C10orf67: variants seen among roughly 807,000 people sequenced by gnomAD.
C10orf67 encodes uncharacterized protein C10orf67, mitochondrial.
A neutral mutation model predicts 35.6 loss-of-function variants in C10orf67; 60 were observed. The observed-to-expected ratio is 1.68, with a 90% CI of 1.37 to 2.09. The LOEUF (loss-of-function observed/expected upper bound fraction) is 2.09. Among genes scored for constraint, C10orf67 ranks in the 30% most tolerant of loss-of-function variants. The pLI is 0.00. For synonymous variants in C10orf67, 167 were observed against 115.8 expected (o/e 1.44, Z -2.84); for missense variants, 474 against 330.2 (o/e 1.44, Z -3.38).
chr10:23,229,021 T>G (rs937076197), intron 13 of C10orf67, among the ~76,000 whole-genome samples: 1 of 152,122 alleles, frequency 6.6e-6, no homozygotes, highest in African/African-American at 2.4e-5. Flanking sequence ...TGGAAGACAG[T>G]GTGGCGATTC....
intron 10 of C10orf67, among the ~76,000 whole-genome samples, chr10:23,264,967 A>G (rs1397604241): frequency 6.6e-6 from 1 of 152,196 alleles, no homozygotes; most frequent in Non-Finnish European, 1.5e-5. Flanking sequence ...TTCTTTTTAT[A>G]TGTGGTCCAA....
At chr10:23,288,727 G>C (rs1843621809) in intron 7 of C10orf67, among the ~76,000 whole-genome samples, 1 of 152,154 alleles carries the variant, frequency 6.6e-6, no homozygotes, top group South Asian at 2.1e-4. Flanking sequence ...TAGTGCAACT[G>C]TGAAACTGAA....
intron 7 of C10orf67, among the ~76,000 whole-genome samples, chr10:23,286,264 G>C: frequency 6.7e-6 from 1 of 148,988 alleles, no homozygotes; most frequent in East Asian, 2.0e-4. Flanking sequence ...CAAGTGTGGT[G>C]GTACTCCTGT....
rs186169946 is a variant in C10orf67, at chr10:23,202,847, G to A, written c.*1326C>T. On this transcript the variant is annotated 3_prime_UTR_variant, in exon 16 of 16. Coordinates refer to ENST00000636213, the MANE Select transcript of C10orf67 (RefSeq NM_001371909.1). Reference sequence around the variant, plus strand: ...CTTCCAAGGAATTTCTGTCCAGGACGATGGCACAGAGAATACAAATTTTAT... The same window carrying A: ...CTTCCAAGGAATTTCTGTCCAGGACAATGGCACAGAGAATACAAATTTTAT... 5 of 152,334 alleles carry A rather than the reference G, an allele frequency of 3.3e-5. No homozygotes were observed. Among genetic ancestry groups the A allele is most frequent in the Non-Finnish European group, 5.9e-5 (4 of 68,030 alleles). 9.4% of individuals were successfully genotyped at this position (152,334 alleles called of 1,614,324 possible).
intron 12 of C10orf67, among the ~76,000 whole-genome samples, chr10:23,248,559 G>A (rs1258937572): frequency 6.6e-6 from 1 of 152,200 alleles, no homozygotes; most frequent in South Asian, 2.1e-4. Flanking sequence ...TGGCTAAGGT[G>A]AGGTTTTTCA....
intron 8 of C10orf67, among the ~76,000 whole-genome samples, chr10:23,272,371 G>C (rs1843052488): frequency 6.6e-6 from 1 of 152,160 alleles, no homozygotes; most frequent in Admixed American, 6.5e-5. Flanking sequence ...TTTACATGAG[G>C]TGTCAGGTAA....
At chr10:23,278,350 T>C (rs1005546879) in intron 8 of C10orf67, among the ~76,000 whole-genome samples, 5 of 152,224 alleles carry the variant, frequency 3.3e-5, no homozygotes, top group South Asian at 2.1e-4. Flanking sequence ...GTGTCACATG[T>C]GTATTAACAG....
chr10:23,308,844 G>A (rs1207840846), intron 4 of C10orf67, among the ~76,000 whole-genome samples: 1 of 152,128 alleles, frequency 6.6e-6, no homozygotes, highest in Non-Finnish European at 1.5e-5. Flanking sequence ...ACAGCCCCCA[G>A]TAAGTATTAT....
intron 10 of C10orf67, among the ~76,000 whole-genome samples, chr10:23,252,018 A>G (rs1042307019): frequency 2.6e-5 from 4 of 152,316 alleles, no homozygotes; most frequent in African/African-American, 9.6e-5. Flanking sequence ...TTTTCCTATT[A>G]ATAATACCAG....
chr10:23,204,344 G>C, intron 15 of C10orf67, 89 bp from the exon 16 acceptor site: 1 of 434,346 alleles, frequency 2.3e-6, no homozygotes, highest in Non-Finnish European at 4.2e-6. Flanking sequence ...AGCATTTTGC[G>C]TCATTTTTTT....
chr10:23,280,687 C>T (rs948993116), intron 8 of C10orf67, among the ~76,000 whole-genome samples: 2 of 152,092 alleles, frequency 1.3e-5, no homozygotes, highest in African/African-American at 4.8e-5. Flanking sequence ...ACTTCTAAAC[C>T]ACAAAATAAA....
At chr10:23,344,031 C>A (rs1846032524) in intron 1 of C10orf67, 1 of 390,264 alleles carries the variant, frequency 2.6e-6, no homozygotes, top group Admixed American at 2.9e-5. Context: ...TCCCGCGGAG[C>A]CGCTCGCTCT....
chr10:23,237,351 T>C (rs1332092343), intron 13 of C10orf67, among the ~76,000 whole-genome samples: 1 of 152,238 alleles, frequency 6.6e-6, no homozygotes, highest in Non-Finnish European at 1.5e-5. Context: ...AACATGTGCA[T>C]GCATGTGTCT....
intron 12 of C10orf67, among the ~76,000 whole-genome samples, chr10:23,249,351 C>A (rs988849932): frequency 6.6e-6 from 1 of 152,098 alleles, no homozygotes; most frequent in Non-Finnish European, 1.5e-5. Context: ...TTTAAATTTT[C>A]TTTTGTCTCA....
intron 9 of C10orf67, among the ~76,000 whole-genome samples, 160 bp from the exon 10 acceptor site, chr10:23,266,586 C>G (rs1477058178): frequency 2.0e-5 from 3 of 152,188 alleles, no homozygotes; most frequent in African/African-American, 7.2e-5. Context: ...CCCACAATCT[C>G]CCCTGGCAGG....
intron 10 of C10orf67, among the ~76,000 whole-genome samples, chr10:23,252,193 T>C (rs1022400952): frequency 7.2e-5 from 11 of 152,226 alleles, no homozygotes; most frequent in African/African-American, 2.7e-4. Context: ...GGAAATTTTC[T>C]TCACTTTATC....
At position 23,332,675 on chromosome 10, in the gene C10orf67, C is replaced by CAAA. The variant is rs57837146; in HGVS notation, c.327+384_327+386dup. 3.6e-3 allele frequency among the ~76,000 whole-genome samples: 484 copies of CAAA among 134,820 alleles called. 6 individuals carry two copies. The highest frequency in any genetic ancestry group is 0.01 in the South Asian group (43 of 4,268). 88.4% of individuals were successfully genotyped at this position (134,820 alleles called of 152,430 possible). A position where few individuals can be genotyped will look rare whatever the true frequency, so the allele number is the denominator to read the frequency against. ...TAGGTGACAAAGTAAGACACTGTCT[C>CAAA]AAAAAAAAAAAAAAATTCAAAGAAA... On this transcript the variant is annotated intron_variant, in intron 2 of 15. Transcript: ENST00000636213.
At chr10:23,337,476 A>G (rs1049463783) in intron 1 of C10orf67, among the ~76,000 whole-genome samples, 1 of 152,178 alleles carries the variant, frequency 6.6e-6, no homozygotes, top group Non-Finnish European at 1.5e-5. Flanking sequence ...TAAGGCTGCA[A>G]TGAGCTTGGA....
intron 1 of C10orf67, 112 bp from the exon 2 acceptor site, chr10:23,333,294 GT>G (rs1308308686): frequency 1.0e-6 from 1 of 974,504 alleles, no homozygotes; most frequent in African/African-American, 1.6e-5. Flanking sequence ...ATTCTAAGAG[GT>G]TGGTGAGGTG....
Sources: allele counts gnomAD v4.1 joint callset (sites outside exome capture counted in the v4.1 genomes callset), GRCh38; gene constraint gnomAD v4.1.1; transcripts MANE v1.5; gene names NCBI Gene and HGNC (gene_info 2026-07-23, HGNC 2026-07-21).